Variants in PDS5A observed in about 807,000 individuals in gnomAD.
PDS5A encodes PDS5 cohesin associated factor A.
PDS5A carries 42 observed loss-of-function variants against 167.1 expected under a neutral mutation model. The ratio of observed to expected loss-of-function variants is 0.25; its 90% CI spans 0.20 to 0.33. The LOEUF (loss-of-function observed/expected upper bound fraction) is 0.33. Among genes scored for constraint, PDS5A ranks in the 10% least tolerant of loss-of-function variants. The pLI is 1.00. For synonymous variants in PDS5A, 553 were observed against 554.6 expected (o/e 1.00, Z 0.04); for missense variants, 1,033 against 1,605.9 (o/e 0.64, Z 6.10).
chr4:39,959,200 T>C (rs1357198171), intron 2 of PDS5A, among the ~76,000 whole-genome samples: 1 of 152,224 alleles, frequency 6.6e-6, no homozygotes, highest in African/African-American at 2.4e-5. Flanking sequence ...CCAGTGTCAC[T>C]TTCCCTTACT....
chr4:39,885,397 C>T (rs988844138), intron 17 of PDS5A, among the ~76,000 whole-genome samples: 7 of 151,904 alleles, frequency 4.6e-5, no homozygotes, highest in Admixed American at 2.0e-4. Context: ...CCCAGGAGCT[C>T]GAGACCAGCC....
At position 39,926,799 on chromosome 4, in the gene PDS5A, A is replaced by G. The variant is rs1422722887; in HGVS notation, c.405T>C (p.Phe135=). The G allele has an allele frequency of 2.8e-6, 4 of 1,424,636 alleles. No homozygotes were observed. Among genetic ancestry groups the G allele is most frequent in the Non-Finnish European group, 3.7e-6 (4 of 1,080,066 alleles). The allele number at this position is 1,424,636 out of a possible 1,614,324, so 88.2% of individuals were successfully genotyped here. A position where few individuals can be genotyped will look rare whatever the true frequency, so the allele number is the denominator to read the frequency against. ...CCTCTAATAAATAAAAGTATCTATT[A>G]AACTGTGGACTCTTTGTATCCTCCA... is the stretch of plus-strand genomic sequence containing the variant. ...KGLEDTKSPQ[F]NRYFYLLENL... Residue 135 remains phenylalanine, a synonymous_variant, in exon 4 of 33, where the codon TTT becomes TTC. Transcript: ENST00000303538.
At chr4:39,897,744 T>C (rs572375879) in intron 16 of PDS5A, among the ~76,000 whole-genome samples, 3 of 152,078 alleles carry the variant, frequency 2.0e-5, no homozygotes, top group South Asian at 2.1e-4. Flanking sequence ...CGTGTGCCAA[T>C]AGTTCTAGCT....
chr4:39,929,480 T>C (rs537461237), intron 2 of PDS5A, among the ~76,000 whole-genome samples: 280 of 145,912 alleles, frequency 1.9e-3, no homozygotes, highest in Non-Finnish European at 3.3e-3. Flanking sequence ...AGCTTGCAGA[T>C]AGCCTATTGT....
At chr4:39,896,768 A>C (rs1350979886) in intron 16 of PDS5A, among the ~76,000 whole-genome samples, 1 of 151,696 alleles carries the variant, frequency 6.6e-6, no homozygotes, top group Non-Finnish European at 1.5e-5. Flanking sequence ...CCTGTTTAAA[A>C]AAAAAAAAAG....
At chr4:39,904,933 A>G (rs966437063) in intron 11 of PDS5A, among the ~76,000 whole-genome samples, 2 of 152,202 alleles carry the variant, frequency 1.3e-5, no homozygotes, top group African/African-American at 2.4e-5. Flanking sequence ...CAAAACCCCT[A>G]TTATCTGGAA....
intron 28 of PDS5A, 57 bp downstream of exon 28, chr4:39,848,794 G>A: frequency 7.0e-7 from 1 of 1,426,338 alleles, no homozygotes; most frequent in African/African-American, 1.4e-5. Flanking sequence ...ATGGTTGATG[G>A]TAATTGACAT....
intron 2 of PDS5A, among the ~76,000 whole-genome samples, chr4:39,961,208 A>T (rs1332564279): frequency 1.3e-5 from 2 of 152,152 alleles, no homozygotes; most frequent in African/African-American, 4.8e-5. Context: ...ATAATCTTGG[A>T]TTTCATATAT....
At position 39,926,874 on chromosome 4, in the gene PDS5A, A is replaced by G; in HGVS notation, c.343-13T>C. The G allele has an allele frequency of 1.4e-6, 2 of 1,405,158 alleles. No homozygotes were observed. Among genetic ancestry groups the G allele is most frequent in the Non-Finnish European group, 1.9e-6 (2 of 1,067,708 alleles). 87.0% of individuals were successfully genotyped at this position (1,405,158 alleles called of 1,614,324 possible). The stretch of plus-strand genomic sequence containing the variant: ...ACAAAAATATGTCCTGTTAAAAAAA[A>G]AAACACATTAATTTAGACACAAATA... On this transcript the variant is annotated splice_polypyrimidine_tract_variant and intron_variant, in intron 3 of 32. Coordinates refer to ENST00000303538, the MANE Select transcript of PDS5A (RefSeq NM_001100399.2).
Position 39,910,233 on chromosome 4 carries a change from A to C in PDS5A, c.1087+11T>G, listed in dbSNP as rs370346995. The C allele has an allele frequency of 4.9e-6, 7 of 1,415,678 alleles. No homozygotes were observed. Among genetic ancestry groups the C allele is most frequent in the Middle Eastern group, 1.8e-4 (1 of 5,708 alleles). 87.7% of individuals were successfully genotyped at this position (1,415,678 alleles called of 1,614,324 possible). A position where few individuals can be genotyped will look rare whatever the true frequency, so the allele number is the denominator to read the frequency against. On this transcript the variant is annotated intron_variant, in intron 10 of 32. Coordinates refer to ENST00000303538, the MANE Select transcript of PDS5A (RefSeq NM_001100399.2). ...GTTATGCTAATATGTGTAATAAACC[A>C]GCTAGCTTACCTGTGAGATCCTTCG...
At chr4:39,868,085 T>A (rs1046075056) in intron 22 of PDS5A, among the ~76,000 whole-genome samples, 2 of 152,140 alleles carry the variant, frequency 1.3e-5, no homozygotes, top group Non-Finnish European at 2.9e-5. Flanking sequence ...AGTGAAAGAT[T>A]ATCAAAGAAG....
At chr4:39,871,715 A>T (rs57316339) in intron 21 of PDS5A, among the ~76,000 whole-genome samples, 5,068 of 152,092 alleles carry the variant, frequency 0.033, 206 homozygotes, top group East Asian at 0.22. Flanking sequence ...TTATTTATTT[A>T]TTTTTTTGAG....
rs5857705 is a variant in PDS5A at position 39,915,041 on chromosome 4, ATT to A, written c.877-1317_877-1316del. 6.0e-5 allele frequency among the ~76,000 whole-genome samples: 9 copies of A among 149,316 alleles called. No individual in the cohort carries two copies. In the East Asian group the frequency reaches 9.8e-4, roughly 16 times the overall value. On this transcript the variant is annotated intron_variant, in intron 8 of 32. Transcript: ENST00000303538. ...ATTTTAATTTTAAATGACAAAAATGATTTTTTTTTTTTAAGAGGTAAGAGTCT... is the reference window on the plus strand; with the variant it reads ...ATTTTAATTTTAAATGACAAAAATGATTTTTTTTTTAAGAGGTAAGAGTCT...
chr4:39,894,000 ATCTAATTATAATAG>A lies in PDS5A; in HGVS notation c.1771-3650_1771-3637del, dbSNP rs577175325. Among the ~76,000 whole-genome samples the A allele has an allele frequency of 1.3e-3, 197 of 152,334 alleles. 1 individual carries two copies. Among genetic ancestry groups the A allele is most frequent in the Middle Eastern group, 6.8e-3 (2 of 294 alleles). The stretch of plus-strand genomic sequence containing the variant: ...CCTTTTCAAGCTATTTCATTGTCTG[ATCTAATTATAATAG>A]TAGATTCTCTGCAGGACACAGTACT... On this transcript the variant is annotated intron_variant, in intron 16 of 32. Transcript: ENST00000303538.
At position 39,873,069 on chromosome 4, in the gene PDS5A, T is replaced by C. The variant is rs769736271; in HGVS notation, c.2353A>G (p.Met785Val). 3.7e-5 allele frequency: 58 copies of C among 1,561,348 alleles called. No individual in the cohort carries two copies. The highest frequency in any genetic ancestry group is 4.6e-5 in the Non-Finnish European group (53 of 1,144,086). Residue 785 changes from methionine to valine, a missense_variant, in exon 21 of 33, where the codon ATG becomes GTG. By Grantham distance (21) the Met-to-Val change is conservative. Around this residue, in one of 4 missense-constraint regions of PDS5A, gnomAD observed 367 missense variants for 686.7 expected, o/e 0.53. Transcript: ENST00000303538. ...GAAGCAAACTGATCTGGTGCTAACA[T>C]AGAAATGTGGCCCAATGAAACTAAT... ...TPLVSLGHISMLAPDQFASPM... is the reference protein window; with the variant it reads ...TPLVSLGHISVLAPDQFASPM...
intron 9 of PDS5A, among the ~76,000 whole-genome samples, chr4:39,913,219 C>T (rs1253220220): frequency 6.6e-6 from 1 of 151,690 alleles, no homozygotes; most frequent in Non-Finnish European, 1.5e-5. Context: ...TGCGTAGTTG[C>T]GGTTCCAGGT....
chr4:39,902,710 A>ACAAGGTGTCC (rs1246177845), intron 12 of PDS5A, among the ~76,000 whole-genome samples: 4 of 152,124 alleles, frequency 2.6e-5, no homozygotes, highest in African/African-American at 7.2e-5. Context: ...TTTTGTAGAG[A>ACAAGGTGTCC]CAAGGTGTCC....
chr4:39,928,723 G>A (rs1272702973), intron 2 of PDS5A, among the ~76,000 whole-genome samples: 1 of 151,716 alleles, frequency 6.6e-6, no homozygotes, highest in Non-Finnish European at 1.5e-5. Context: ...TGCATAGGAG[G>A]ATGAGATAGG....
intron 2 of PDS5A, among the ~76,000 whole-genome samples, chr4:39,967,296 T>G (rs528425171): frequency 7.0e-5 from 10 of 143,258 alleles, no homozygotes; most frequent in Admixed American, 2.8e-4. Flanking sequence ...CAGAGTGAGA[T>G]TCCATCTCAA....
Sources: gnomAD v4.1 joint callset for allele counts (sites outside exome capture counted in the v4.1 genomes callset) on GRCh38, gnomAD v4.1.1 for gene constraint, gnomAD v4.1.1 regional missense constraint, MANE v1.5 for transcripts, NCBI Gene and HGNC (gene_info 2026-07-23, HGNC 2026-07-21) for gene names.